Variants in HAPLN4 observed in about 807,000 individuals in gnomAD.
The protein encoded by HAPLN4 is hyaluronan and proteoglycan link protein 4, also known as brain link protein 2.
A neutral mutation model predicts 28.0 loss-of-function variants in HAPLN4; 19 were observed. That is an observed-to-expected ratio of 0.68 (90% confidence interval 0.47 to 1.00). The LOEUF (loss-of-function observed/expected upper bound fraction) is 1.00, where lower values mean the gene tolerates loss of function less well. Among genes scored for constraint, HAPLN4 ranks in the 50% least tolerant of loss-of-function variants. The pLI is 0.00. For missense variants in HAPLN4, 587 were observed against 602.6 expected (o/e 0.97, Z 0.27); for synonymous variants, 274 against 273.0 (o/e 1.00, Z -0.03).
chr19:19,256,396 C>A lies in HAPLN4; in HGVS notation c.*1421G>T, dbSNP rs568844765. 2.6e-5 allele frequency: 4 copies of A among 152,710 alleles called. No individual in the cohort carries two copies. In the East Asian group the frequency reaches 7.7e-4, roughly 30 times the overall value. The allele number at this position is 152,710 out of a possible 1,614,324, so 9.5% of individuals were successfully genotyped here. Reference sequence around the variant, plus strand: ...GCAGTAGGGTAGCCCTAGTAGGAGGCACCCAGGACTTCTGGCCCACAATGA... The same window carrying A: ...GCAGTAGGGTAGCCCTAGTAGGAGGAACCCAGGACTTCTGGCCCACAATGA... On this transcript the variant is annotated 3_prime_UTR_variant, in exon 5 of 5. Transcript: ENST00000291481.
chr19:19,258,364 G>A lies in HAPLN4; in HGVS notation c.818-156C>T, dbSNP rs985629253. Among the ~76,000 whole-genome samples the A allele has an allele frequency of 3.3e-5, 5 of 152,132 alleles. No individual in the cohort carries two copies. The highest frequency in any genetic ancestry group is 1.2e-4 in the African/African-American group (5 of 41,418). On this transcript the variant is annotated intron_variant, in intron 4 of 4. Transcript: ENST00000291481. The surrounding 1 kb of genome is among the most constrained non-coding windows in gnomAD (Gnocchi z 6.2). ...CTTTGCAGCCTGGGACCCCAGCCTA[G>A]GCCCAACCAGCGTTGGTACCAGGCG...
At chr19:19,259,893 T>G (rs1274920764) in intron 3 of HAPLN4, among the ~76,000 whole-genome samples, 1 of 152,172 alleles carries the variant, frequency 6.6e-6, no homozygotes, top group Non-Finnish European at 1.5e-5. Context: ...AATCAGAGCA[T>G]CCCATCTTCC....
intron 1 of HAPLN4, among the ~76,000 whole-genome samples, chr19:19,262,445 A>C (rs191106287): frequency 8.6e-5 from 13 of 151,906 alleles, no homozygotes; most frequent in East Asian, 7.8e-4. Context: ...AGAGTGCCAG[A>C]GGCAGAGAGA....
At position 19,258,785 on chromosome 19, in the gene HAPLN4, G is replaced by T; in HGVS notation, c.555C>A (p.Cys185Ter). ...KLTFAEAQRACAEQDGILASA... is the reference protein window; with the variant it reads ...KLTFAEAQRA ...ATGCCAGGATGCCGTCCTGCTCGGC[G>T]CACGCGCGCTGCGCCTCCGCGAAGG... The change falls in exon 4 of 5, where the codon TGC (cysteine) becomes TGA (stop). Residue 185 changes from cysteine (C) to a stop codon, truncating the protein, a stop_gained. Transcript: ENST00000291481. LOFTEE classifies it high-confidence loss of function. The surrounding 1 kb of genome is among the most constrained non-coding windows in gnomAD (Gnocchi z 6.2). 2.5e-6 allele frequency: 4 copies of T among 1,599,198 alleles called. No homozygotes were observed. The highest frequency in any genetic ancestry group is 3.4e-6 in the Non-Finnish European group (4 of 1,174,210).
Position 19,260,931 on chromosome 19 carries a change from C to A in HAPLN4, c.366G>T (p.Gly122=), listed in dbSNP as rs528323976. Residue 122 remains glycine, a synonymous_variant, in exon 3 of 5, where the codon GGG becomes GGT. Transcript: ENST00000291481. ...YRGRAELQGD[G]PGDASLVLRN... Reference sequence around the variant, plus strand: ...GGAGGACCAGGGAGGCATCCCCAGGCCCGTCGCCCTGCAGCTCAGCCCGCC... The same window carrying A: ...GGAGGACCAGGGAGGCATCCCCAGGACCGTCGCCCTGCAGCTCAGCCCGCC... 1 of 1,614,004 alleles carries A rather than the reference C, an allele frequency of 6.2e-7. No homozygotes were observed. The highest frequency in any genetic ancestry group is 1.3e-5 in the African/African-American group (1 of 75,070).
At position 19,260,905 on chromosome 19, in the gene HAPLN4, C is replaced by T. The variant is rs755676486; in HGVS notation, c.392G>A (p.Arg131His). ...DGPGDASLVL[R>H]NVTLQDYGRY... ...CCCGTAGTCTTGCAGCGTGACGTTG[C>T]GGAGGACCAGGGAGGCATCCCCAGG... is the stretch of plus-strand genomic sequence containing the variant. Residue 131 changes from arginine to histidine, a missense_variant, in exon 3 of 5, where the codon CGC (arginine) becomes CAC (histidine). Arg to His is a conservative substitution (Grantham distance 29). Coordinates refer to ENST00000291481, the MANE Select transcript of HAPLN4 (RefSeq NM_023002.3). The T allele has an allele frequency of 1.2e-6, 2 of 1,613,984 alleles. No homozygotes were observed. The highest frequency in any genetic ancestry group is 2.7e-5 in the African/African-American group (2 of 74,940).
intron 3 of HAPLN4, among the ~76,000 whole-genome samples, chr19:19,259,315 G>A (rs767222423): frequency 9.9e-5 from 15 of 152,130 alleles, no homozygotes; most frequent in Non-Finnish European, 1.9e-4. Context: ...TTGGCCCTAG[G>A]TGAAGACCCC....
Position 19,256,155 on chromosome 19 carries a change from G to C in HAPLN4, c.*1662C>G, listed in dbSNP as rs559621337. 1 of 152,386 alleles carries C rather than the reference G, an allele frequency of 6.6e-6. No individual in the cohort carries two copies. Among genetic ancestry groups the C allele is most frequent in the South Asian group, 2.1e-4 (1 of 4,824 alleles). The allele number at this position is 152,386 out of a possible 1,614,324, so 9.4% of individuals were successfully genotyped here. On this transcript the variant is annotated 3_prime_UTR_variant, in exon 5 of 5. Coordinates refer to ENST00000291481, the MANE Select transcript of HAPLN4 (RefSeq NM_023002.3). ...GATGGGGTCTCAGAGGACAAAAGAG[G>C]AGCTCAGTGCTTGCATATCTCAACA...
Position 19,258,697 on chromosome 19 carries a change from G to T in HAPLN4, c.643C>A (p.Arg215Ser). 1 of 1,606,158 alleles carries T rather than the reference G, an allele frequency of 6.2e-7. No homozygotes were observed. Among genetic ancestry groups the T allele is most frequent in the Non-Finnish European group, 8.5e-7 (1 of 1,177,362 alleles). Residue 215 changes from arginine to serine, a missense_variant, in exon 4 of 5, where the codon CGC becomes AGC. Physicochemically the swap from Arg to Ser is moderately radical, Grantham distance 110. Coordinates refer to ENST00000291481, the MANE Select transcript of HAPLN4 (RefSeq NM_023002.3). This position sits in a 1 kb window ranked among gnomAD's most constrained non-coding sequence, Gnocchi z 6.2. ...GLDWCNAGWL[R>S]DGSVQYPVNR... ...ACGGGGTATTGCACTGAGCCGTCGCGCAACCAGCCCGCGTTGCACCAGTCC... is the reference window on the plus strand; with the variant it reads ...ACGGGGTATTGCACTGAGCCGTCGCTCAACCAGCCCGCGTTGCACCAGTCC...
chr19:19,261,080 CAT>C lies in HAPLN4; in HGVS notation c.215_216del (p.Tyr72Ter), dbSNP rs748884283. The C allele has an allele frequency of 6.2e-7, 1 of 1,613,056 alleles. No homozygotes were observed. The highest frequency in any genetic ancestry group is 1.1e-5 in the South Asian group (1 of 91,072). ...CCGTCGTGACCGTGGGCGGCTGCCT[CAT>C]AGTGGTAGCGGCAGGGCAAGACGAT... ...GTIVLPCRYH[Y>X]EAAAHGHDGV... is the part of the protein sequence containing the mutation. On this transcript the variant is annotated frameshift_variant, in exon 3 of 5. Transcript: ENST00000291481. LOFTEE classifies it high-confidence loss of function.
chr19:19,261,677 C>T (rs1055161914), intron 1 of HAPLN4, 114 bp from the exon 2 acceptor site: 95 of 647,070 alleles, frequency 1.5e-4, no homozygotes, highest in Non-Finnish European at 2.2e-4. Flanking sequence ...ACGCCCATGT[C>T]CCCACCCTTT....
At chr19:19,262,084 A>G (rs983613720) in intron 1 of HAPLN4, among the ~76,000 whole-genome samples, 2 of 152,038 alleles carry the variant, frequency 1.3e-5, no homozygotes, top group Non-Finnish European at 2.9e-5. Flanking sequence ...AGAGAGAGGC[A>G]GAGATGGAGA....
Position 19,257,260 on chromosome 19 carries a change from C to G in HAPLN4, c.*557G>C, listed in dbSNP as rs941477201. ...TCAGGTCACCATAAGGGAAAATAAG[C>G]GCCTCGGCCCACAACCTCCATGTGA... On this transcript the variant is annotated 3_prime_UTR_variant, in exon 5 of 5. Coordinates refer to ENST00000291481, the MANE Select transcript of HAPLN4 (RefSeq NM_023002.3). 1 of 152,262 alleles carries G rather than the reference C, an allele frequency of 6.6e-6. No individual in the cohort carries two copies. The highest frequency in any genetic ancestry group is 2.4e-5 in the African/African-American group (1 of 41,400). The allele number at this position is 152,262 out of a possible 1,614,324, so 9.4% of individuals were successfully genotyped here.
chr19:19,261,654 G>A (rs1165693059), intron 1 of HAPLN4, 91 bp from the exon 2 acceptor site: 2 of 826,672 alleles, frequency 2.4e-6, no homozygotes, highest in Non-Finnish European at 1.8e-6. Flanking sequence ...TCCCCACAGC[G>A]AGGACCTCTC....
In HAPLN4 at chr19:19,258,638, C is replaced by T; in HGVS notation, c.702G>A (p.Gly234=). 6.2e-7 allele frequency: 1 copy of T among 1,611,844 alleles called. No individual in the cohort carries two copies. The highest frequency in any genetic ancestry group is 8.5e-7 in the Non-Finnish European group (1 of 1,179,046). The part of the protein sequence containing the change: ...NRPREPCGGL[G]GTGSAGGGGD... Reference sequence around the variant, plus strand: ...CGCCGCCCCCTGCACTCCCGGTCCCCCCCAGGCCGCCGCAGGGCTCCCGGG... The same window carrying T: ...CGCCGCCCCCTGCACTCCCGGTCCCTCCCAGGCCGCCGCAGGGCTCCCGGG... Residue 234 remains glycine, a synonymous_variant, in exon 4 of 5, where the codon GGG becomes GGA. Transcript: ENST00000291481. The surrounding 1 kb of genome is among the most constrained non-coding windows in gnomAD (Gnocchi z 6.2).
At chr19:19,261,705 T>TC in intron 1 of HAPLN4, 142 bp from the exon 2 acceptor site, 1 of 554,866 alleles carries the variant, frequency 1.8e-6, no homozygotes, top group Non-Finnish European at 3.1e-6. Flanking sequence ...CCTGGAGAAC[T>TC]CCCCCTCCTC....
chr19:19,258,264 G>C lies in HAPLN4; in HGVS notation c.818-56C>G. The C allele has an allele frequency of 4.9e-6, 7 of 1,428,650 alleles. No homozygotes were observed. The highest frequency in any genetic ancestry group is 6.5e-6 in the Non-Finnish European group (7 of 1,084,410). The allele number at this position is 1,428,650 out of a possible 1,614,324, so 88.5% of individuals were successfully genotyped here. A position where few individuals can be genotyped will look rare whatever the true frequency, so the allele number is the denominator to read the frequency against. On this transcript the variant is annotated intron_variant, in intron 4 of 4. Coordinates refer to ENST00000291481, the MANE Select transcript of HAPLN4 (RefSeq NM_023002.3). This position sits in a 1 kb window ranked among gnomAD's most constrained non-coding sequence, Gnocchi z 6.2. ...AGTGCGGCTCCTGGGACCCTGCTTCGGTGGGATTCAGGACTGCCCCCCGCA... is the reference window on the plus strand; with the variant it reads ...AGTGCGGCTCCTGGGACCCTGCTTCCGTGGGATTCAGGACTGCCCCCCGCA...
At chr19:19,261,360 C>A in intron 2 of HAPLN4, 86 bp downstream of exon 2, 1 of 1,348,326 alleles carries the variant, frequency 7.4e-7, no homozygotes, top group Non-Finnish European at 1.1e-6. Context: ...CCGCGGACGT[C>A]AGGAACGCCC....
chr19:19,261,360 C>T lies in HAPLN4; in HGVS notation c.121+86G>A, dbSNP rs896308107. On this transcript the variant is annotated intron_variant, in intron 2 of 4. Transcript: ENST00000291481. ...GAGTGGCTGGGGGAACCGCGGACGT[C>T]AGGAACGCCCTACCCGCTACCCCTC... The T allele has an allele frequency of 1.1e-5, 15 of 1,348,210 alleles. No homozygotes were observed. In the African/African-American group the frequency reaches 2.1e-4, roughly 19 times the overall value. The allele number at this position is 1,348,210 out of a possible 1,614,324, so 83.5% of individuals were successfully genotyped here.
Sources: allele counts gnomAD v4.1 joint callset (sites outside exome capture counted in the v4.1 genomes callset), GRCh38; gene constraint gnomAD v4.1.1; non-coding constraint Gnocchi (gnomAD v3.1); transcripts MANE v1.5; gene names NCBI Gene and HGNC (gene_info 2026-07-23, HGNC 2026-07-21).